Variants in RAD17 observed in about 807,000 individuals in gnomAD.
RAD17 encodes RAD17 checkpoint clamp loader component, also known as cell cycle checkpoint protein RAD17.
A neutral mutation model predicts 81.5 loss-of-function variants in RAD17; 31 were observed. That is an observed-to-expected ratio of 0.38 (90% confidence interval 0.29 to 0.51). RAD17 has a LOEUF of 0.51. RAD17 is among the 20% of genes least tolerant of loss of function. The pLI is 0.88. For missense variants in RAD17, 681 were observed against 781.2 expected, an observed-to-expected ratio of 0.87 and a Z score of 1.53; for synonymous variants, 261 against 266.2, an observed-to-expected ratio of 0.98 and a Z score of 0.19.
At chr5:69,385,162 G>A (rs757840895) in intron 8 of RAD17, among the ~76,000 whole-genome samples, 6 of 151,224 alleles carry the variant, frequency 4.0e-5, no homozygotes, top group South Asian at 4.2e-4. Context: ...GGGTTTCACT[G>A]TGTTAGCCAG....
intron 15 of RAD17, among the ~76,000 whole-genome samples, chr5:69,395,418 G>A (rs1764822095): frequency 6.6e-6 from 1 of 152,130 alleles, no homozygotes; most frequent in Admixed American, 6.6e-5. Context: ...AGGCTGTGGT[G>A]GGAGAATCAC....
chr5:69,385,177 G>T (rs751145600), intron 8 of RAD17, among the ~76,000 whole-genome samples: 2 of 151,168 alleles, frequency 1.3e-5, no homozygotes, highest in Admixed American at 6.6e-5. Flanking sequence ...AGCCAGGATG[G>T]TCTCGATCTC....
intron 18 of RAD17, among the ~76,000 whole-genome samples, chr5:69,413,226 A>T (rs1330882143): frequency 2.0e-5 from 3 of 152,036 alleles, no homozygotes; most frequent in African/African-American, 7.2e-5. Flanking sequence ...GGATCACCTG[A>T]GTTCGGGAGT....
chr5:69,389,250 T>C, intron 12 of RAD17, 105 bp downstream of exon 12: 1 of 544,430 alleles, frequency 1.8e-6, no homozygotes, highest in Non-Finnish European at 3.0e-6. Flanking sequence ...TCTATACCTA[T>C]TTATCCTTCT....
At position 69,386,260 on chromosome 5, in the gene RAD17, T is replaced by C; in HGVS notation, c.779T>C (p.Leu260Ser). The C allele has an allele frequency of 6.2e-7, 1 of 1,607,072 alleles. No individual in the cohort carries two copies. The highest frequency in any genetic ancestry group is 1.7e-5 in the Admixed American group (1 of 59,744). The change falls in exon 10 of 19, where the codon TTG (leucine) becomes TCG (serine). Residue 260 changes from leucine to serine, a missense_variant. Physicochemically the swap from Leu to Ser is moderately radical, Grantham distance 145. Coordinates refer to ENST00000354868, the MANE Select transcript of RAD17 (RefSeq NM_133338.3). ...AGTGGAGATAATAATCAAAGGTTAT[T>C]GTTTCCCAAAGAAATTCAGGAAGAG... ...SLSGDNNQRL[L>S]FPKEIQEECS...
At chr5:69,390,216 A>C (rs1764464910) in intron 12 of RAD17, among the ~76,000 whole-genome samples, 1 of 152,190 alleles carries the variant, frequency 6.6e-6, no homozygotes, top group African/African-American at 2.4e-5. Context: ...GTTAGCAATT[A>C]TGTTTTTTTC....
In RAD17 at chr5:69,377,680, T is replaced by TATGTGTATGC. The variant is rs1763584408; in HGVS notation, c.351+2971_351+2972insGTGTATGCAT. Among the ~76,000 whole-genome samples the TATGTGTATGC allele has an allele frequency of 6.1e-4, 3 of 4,916 alleles. 1 individual carries two copies. Among genetic ancestry groups the TATGTGTATGC allele is most frequent in the Admixed American group, 3.7e-3 (1 of 272 alleles). 3.2% of individuals were successfully genotyped at this position (4,916 alleles called of 152,430 possible). A position where few individuals can be genotyped will look rare whatever the true frequency, so the allele number is the denominator to read the frequency against. ...ATATATGTATACATATATATATGCATATATATATATGTATACATATATATA... is the reference window on the plus strand; with the variant it reads ...ATATATGTATACATATATATATGCATATGTGTATGCATATATATATGTATACATATATATA... On this transcript the variant is annotated intron_variant, in intron 6 of 18. Transcript: ENST00000354868.
In RAD17 at chr5:69,400,232, T is replaced by TTTATTTA. The variant is rs1765177836; in HGVS notation, c.1693+63_1693+64insTTATTTA. ...GGTTTATTTATTTATTTATTTATTT[T>TTTATTTA]ATTTTTTTAGGGGGAGTCTCTACTG... On this transcript the variant is annotated intron_variant, in intron 17 of 18. Transcript: ENST00000354868. 39 of 193,474 alleles carry TTTATTTA rather than the reference T, an allele frequency of 2.0e-4. No homozygotes were observed. In the East Asian group the frequency reaches 2.1e-3, roughly 11 times the overall value. 12.0% of individuals were successfully genotyped at this position (193,474 alleles called of 1,614,324 possible).
chr5:69,399,024 T>TA (rs978053817), intron 16 of RAD17, among the ~76,000 whole-genome samples: 1 of 151,170 alleles, frequency 6.6e-6, no homozygotes, highest in Non-Finnish European at 1.5e-5. Flanking sequence ...AAAAAAATAA[T>TA]AAAAAAATTA....
intron 6 of RAD17, among the ~76,000 whole-genome samples, chr5:69,380,520 C>T (rs140068232): frequency 2.8e-4 from 43 of 152,294 alleles, no homozygotes; most frequent in Admixed American, 4.6e-4. Context: ...TGGTGAACAG[C>T]GCTATAACTC....
In RAD17 at chr5:69,405,467, G is replaced by A. The variant is rs1387512792; in HGVS notation, c.1694-5026G>A. On this transcript the variant is annotated intron_variant, in intron 17 of 18. Coordinates refer to ENST00000354868, the MANE Select transcript of RAD17 (RefSeq NM_133338.3). Reference sequence around the variant, plus strand: ...GGATCACCTGAGGTCGGGAGTTCGAGACTAGCCTGACCAACATGATGAAAC... The same window carrying A: ...GGATCACCTGAGGTCGGGAGTTCGAAACTAGCCTGACCAACATGATGAAAC... Among the ~76,000 whole-genome samples the A allele has an allele frequency of 2.0e-5, 3 of 151,778 alleles. No homozygotes were observed. The East Asian group carries it at 5.8e-4, about 30-fold the overall frequency.
rs139685589 is a variant in RAD17, at chr5:69,378,186, G to A, written c.351+3475G>A. ...TATTCAAAAAAATTGGTAAGATCTA[G>A]ATTTATCAATGGGCAAACGAAATTT... On this transcript the variant is annotated intron_variant, in intron 6 of 18. Transcript: ENST00000354868. 2.6e-3 allele frequency among the ~76,000 whole-genome samples: 398 copies of A among 152,232 alleles called. 1 individual carries two copies. Among genetic ancestry groups the A allele is most frequent in the African/African-American group, 9.4e-3 (389 of 41,526 alleles).
Position 69,375,842 on chromosome 5 carries a change from T to C in RAD17, c.351+1131T>C, listed in dbSNP as rs185683158. 2.5e-3 allele frequency among the ~76,000 whole-genome samples: 377 copies of C among 152,062 alleles called. 1 individual carries two copies. Among genetic ancestry groups the C allele is most frequent in the African/African-American group, 8.5e-3 (352 of 41,478 alleles). On this transcript the variant is annotated intron_variant, in intron 6 of 18. Coordinates refer to ENST00000354868, the MANE Select transcript of RAD17 (RefSeq NM_133338.3). ...TATATATCTTAGGCCTTTTTTTTTT[T>C]CCCTGAATCTAATAATAGTTTACTA...
Position 69,371,523 on chromosome 5 carries a change from A to G in RAD17, c.-210A>G. 1 of 1,441,742 alleles carries G rather than the reference A, an allele frequency of 6.9e-7. No homozygotes were observed. 89.3% of individuals were successfully genotyped at this position (1,441,742 alleles called of 1,614,324 possible). On this transcript the variant is annotated 5_prime_UTR_variant, in exon 3 of 19. Transcript: ENST00000354868. ...GAACTATTACAGTTTATAATGTCAA[A>G]AACTTTTCTTAGACCAAAGGTATCT...
chr5:69,408,544 C>A (rs1032489771), intron 17 of RAD17, among the ~76,000 whole-genome samples: 1 of 131,758 alleles, frequency 7.6e-6, no homozygotes, highest in African/African-American at 2.9e-5. Context: ...GAAAGAGTCT[C>A]GCTCTGTCAC....
At chr5:69,375,436 G>C (rs1763274802) in intron 6 of RAD17, among the ~76,000 whole-genome samples, 1 of 151,726 alleles carries the variant, frequency 6.6e-6, no homozygotes. Context: ...GAACCCCCAA[G>C]GTAGAATATT....
chr5:69,405,187 G>C (rs1482165089), intron 17 of RAD17, among the ~76,000 whole-genome samples: 3 of 152,090 alleles, frequency 2.0e-5, no homozygotes, highest in Non-Finnish European at 4.4e-5. Flanking sequence ...CTGTTTTGAG[G>C]AACAGTATGG....
At chr5:69,396,902 G>T (rs1341671102) in intron 16 of RAD17, among the ~76,000 whole-genome samples, 2 of 151,870 alleles carry the variant, frequency 1.3e-5, no homozygotes. Flanking sequence ...GCATGATCTC[G>T]GCTCACTGCA....
In RAD17 at chr5:69,381,945, G is replaced by A; in HGVS notation, c.396G>A (p.Lys132=). The change falls in exon 7 of 19, where the codon AAG becomes AAA. Residue 132 remains lysine, a synonymous_variant. Coordinates refer to ENST00000354868, the MANE Select transcript of RAD17 (RefSeq NM_133338.3). ...LLITGPPGCG[K]TTTLKILSKE... is the part of the protein sequence containing the mutation. The stretch of plus-strand genomic sequence containing the variant: ...TAACAGGTCCTCCTGGATGTGGAAA[G>A]ACAACGACCTTAAAAATACTATCAA... 1 of 1,607,694 alleles carries A rather than the reference G, an allele frequency of 6.2e-7. No individual in the cohort carries two copies. The highest frequency in any genetic ancestry group is 8.5e-7 in the Non-Finnish European group (1 of 1,174,894).
Sources: allele counts gnomAD v4.1 joint callset (sites outside exome capture counted in the v4.1 genomes callset), GRCh38; gene constraint gnomAD v4.1.1; transcripts MANE v1.5; gene names NCBI Gene and HGNC (gene_info 2026-07-23, HGNC 2026-07-21).